Variants in TTC28 observed in about 807,000 individuals in gnomAD.
The protein encoded by TTC28 is tetratricopeptide repeat domain 28, also known as tetratricopeptide repeat protein 28.
In TTC28, 61 loss-of-function variants were observed where a neutral mutation model predicts 198.0. The observed-to-expected ratio is 0.31, with a 90% CI of 0.25 to 0.38. The LOEUF (loss-of-function observed/expected upper bound fraction) is 0.38. Ranked by LOEUF, TTC28 falls within the 10% of genes least tolerant of loss-of-function variation. TTC28 has a pLI of 1.00. For missense variants in TTC28, 2,678 were observed against 3,164.0 expected, an observed-to-expected ratio of 0.85 and a Z score of 3.69; for synonymous variants, 1,171 against 1,297.8, an observed-to-expected ratio of 0.90 and a Z score of 2.10.
chr22:28,523,560 T>A (rs964406099), intron 2 of TTC28, among the ~76,000 whole-genome samples: 21 of 152,290 alleles, frequency 1.4e-4, no homozygotes, highest in Admixed American at 9.2e-4. Context: ...AAAAAACCAG[T>A]ATCTGAGAGC....
At chr22:28,663,433 T>G (rs1306808191) in intron 1 of TTC28, among the ~76,000 whole-genome samples, 1 of 144,606 alleles carries the variant, frequency 6.9e-6, no homozygotes, top group East Asian at 2.0e-4. Context: ...CAGGCCAGTG[T>G]GTGTGCGCAC....
intron 2 of TTC28, among the ~76,000 whole-genome samples, chr22:28,430,754 C>T (rs1340067835): frequency 6.6e-6 from 1 of 152,070 alleles, no homozygotes; most frequent in Non-Finnish European, 1.5e-5. Context: ...ACCAGTTACT[C>T]ATTGGGCATT....
At chr22:28,615,853 T>C (rs551123396) in intron 2 of TTC28, among the ~76,000 whole-genome samples, 1 of 152,220 alleles carries the variant, frequency 6.6e-6, no homozygotes, top group East Asian at 1.9e-4. Flanking sequence ...TGATGACAAG[T>C]TGATTGGGTG....
At chr22:28,432,395 T>C (rs1017295150) in intron 2 of TTC28, among the ~76,000 whole-genome samples, 1 of 152,152 alleles carries the variant, frequency 6.6e-6, no homozygotes, top group African/African-American at 2.4e-5. Context: ...TTTAGGAATT[T>C]TACATTCTCA....
intron 2 of TTC28, among the ~76,000 whole-genome samples, chr22:28,396,224 T>A (rs1055043288): frequency 6.6e-6 from 1 of 152,212 alleles, no homozygotes; most frequent in Non-Finnish European, 1.5e-5. Flanking sequence ...GTGATTACAT[T>A]TTCCAGGAAC....
chr22:28,102,105 C>T (rs531293305), intron 8 of TTC28, among the ~76,000 whole-genome samples: 53 of 152,306 alleles, frequency 3.5e-4, no homozygotes, highest in African/African-American at 1.2e-3. Flanking sequence ...GCTGGCAAAG[C>T]TCTTCCTGAT....
chr22:28,469,387 C>T (rs948569917), intron 2 of TTC28, among the ~76,000 whole-genome samples: 15 of 152,030 alleles, frequency 9.9e-5, no homozygotes, highest in South Asian at 4.1e-4. Flanking sequence ...TAACAGCCCC[C>T]GAAGATATCC....
chr22:28,395,066 G>A (rs577642358), intron 2 of TTC28, among the ~76,000 whole-genome samples: 1 of 152,206 alleles, frequency 6.6e-6, no homozygotes, highest in East Asian at 1.9e-4. Context: ...TCCCCAGACA[G>A]GAACATGAGT....
In TTC28 at chr22:28,339,937, G is replaced by A. The variant is rs191839626; in HGVS notation, c.382-33294C>T. Among the ~76,000 whole-genome samples the A allele has an allele frequency of 4.4e-3, 671 of 152,266 alleles. 1 individual carries two copies. Among genetic ancestry groups the A allele is most frequent in the Non-Finnish European group, 7.1e-3 (482 of 68,018 alleles). ...CAACACTCCCCAGTGAGATGAACCCGGTACCTCAGTTGGAAATGCAGAAAT... is the reference window on the plus strand; with the variant it reads ...CAACACTCCCCAGTGAGATGAACCCAGTACCTCAGTTGGAAATGCAGAAAT... On this transcript the variant is annotated intron_variant, in intron 2 of 22. Coordinates refer to ENST00000397906, the MANE Select transcript of TTC28 (RefSeq NM_001145418.2).
chr22:28,289,678 C>T (rs1805741344), intron 5 of TTC28, among the ~76,000 whole-genome samples: 1 of 152,136 alleles, frequency 6.6e-6, no homozygotes, highest in South Asian at 2.1e-4. Flanking sequence ...CACCGCACTA[C>T]AGCCTGAGCA....
intron 2 of TTC28, among the ~76,000 whole-genome samples, chr22:28,386,094 G>A (rs2146040050): frequency 6.6e-6 from 1 of 151,020 alleles, no homozygotes; most frequent in African/African-American, 2.4e-5. Context: ...GGCTAAAACG[G>A]TGAAACCCCG....
chr22:28,366,942 A>G (rs1228353115), intron 2 of TTC28, among the ~76,000 whole-genome samples: 1 of 152,092 alleles, frequency 6.6e-6, no homozygotes, highest in African/African-American at 2.4e-5. Flanking sequence ...GAAAAAGCAA[A>G]TATTATTAGA....
intron 5 of TTC28, among the ~76,000 whole-genome samples, chr22:28,258,909 G>A (rs1931136875): frequency 1.4e-5 from 2 of 145,796 alleles, no homozygotes; most frequent in Admixed American, 6.9e-5. Context: ...AAGAGTGTGT[G>A]TGTGTGTGTG....
rs917328721 is a variant in TTC28 at position 28,472,656 on chromosome 22, C to T, written c.381+156896G>A. The stretch of plus-strand genomic sequence containing the variant: ...AATAAGAACAGGTTACTTTTAAATT[C>T]GAAGACCAGTTCAGGCAAGTTATAT... On this transcript the variant is annotated intron_variant, in intron 2 of 22. Transcript: ENST00000397906. 3.3e-5 allele frequency among the ~76,000 whole-genome samples: 5 copies of T among 150,350 alleles called. No homozygotes were observed. In the East Asian group the frequency reaches 5.9e-4, roughly 18 times the overall value.
chr22:28,472,363 G>A (rs73882764), intron 2 of TTC28, among the ~76,000 whole-genome samples: 2,000 of 152,138 alleles, frequency 0.013, 44 homozygotes, highest in African/African-American at 0.046. Context: ...AACCTTAAGC[G>A]GTGAAGAAAT....
chr22:28,529,658 G>A (rs1299775699), intron 2 of TTC28, among the ~76,000 whole-genome samples: 3 of 152,190 alleles, frequency 2.0e-5, no homozygotes, highest in Non-Finnish European at 2.9e-5. Context: ...CCTCCCAGTA[G>A]GGGCCAACTG....
chr22:28,051,565 G>A (rs1461861460), intron 12 of TTC28, among the ~76,000 whole-genome samples: 1 of 152,054 alleles, frequency 6.6e-6, no homozygotes, highest in Non-Finnish European at 1.5e-5. Context: ...AGATGCTCGA[G>A]ATAGAGCACT....
rs189581889 is a variant in TTC28, at chr22:28,204,253, A to G, written c.934-40654T>C. 3.3e-5 allele frequency among the ~76,000 whole-genome samples: 5 copies of G among 152,206 alleles called. No homozygotes were observed. In the East Asian group the frequency reaches 9.7e-4, roughly 29 times the overall value. On this transcript the variant is annotated intron_variant, in intron 5 of 22. Coordinates refer to ENST00000397906, the MANE Select transcript of TTC28 (RefSeq NM_001145418.2). ...TAGGCACTTAGAACTGAACTCAACA[A>G]CTATTAGGAATTAATACACTGTGAT...
At chr22:28,084,677 T>G (rs1377673746) in intron 12 of TTC28, among the ~76,000 whole-genome samples, 3 of 150,526 alleles carry the variant, frequency 2.0e-5, no homozygotes, top group Non-Finnish European at 4.5e-5. Context: ...CTTTGACGAG[T>G]TGAGAGAGGA....
Sources: gnomAD v4.1 joint callset for allele counts (sites outside exome capture counted in the v4.1 genomes callset) on GRCh38, gnomAD v4.1.1 for gene constraint, MANE v1.5 for transcripts, NCBI Gene and HGNC (gene_info 2026-07-23, HGNC 2026-07-21) for gene names.